ZFAND3: variants seen among roughly 807,000 people sequenced by gnomAD.
ZFAND3 encodes zinc finger AN1-type containing 3, also known as AN1-type zinc finger protein 3.
In ZFAND3, 10 loss-of-function variants were observed where a neutral mutation model predicts 29.6. The ratio of observed to expected loss-of-function variants is 0.34; its 90% CI spans 0.21 to 0.57. The LOEUF is 0.57. Among genes scored for constraint, ZFAND3 ranks in the 20% least tolerant of loss-of-function variants. The probability of loss-of-function intolerance (pLI) is 0.86; values close to 1 mark genes in which losing one functional copy is unlikely to be tolerated. For synonymous variants in ZFAND3, 128 were observed against 112.6 expected, an observed-to-expected ratio of 1.14 and a Z score of -0.87; for missense variants, 230 against 304.5, an observed-to-expected ratio of 0.76 and a Z score of 1.82.
chr6:38,004,882 G>A (rs915253385), intron 2 of ZFAND3, among the ~76,000 whole-genome samples: 12 of 152,138 alleles, frequency 7.9e-5, no homozygotes, highest in African/African-American at 2.2e-4. Context: ...AAAGAGAGTG[G>A]CAGTTCTTTT....
chr6:38,034,147 T>G (rs1341560873), intron 2 of ZFAND3, among the ~76,000 whole-genome samples: 1 of 152,198 alleles, frequency 6.6e-6, no homozygotes, highest in Non-Finnish European at 1.5e-5. Flanking sequence ...ACATTCAGTT[T>G]CATCTTTTGT....
intron 2 of ZFAND3, among the ~76,000 whole-genome samples, chr6:37,933,463 C>G (rs183509844): frequency 1.9e-4 from 29 of 152,268 alleles, no homozygotes; most frequent in African/African-American, 6.7e-4. Flanking sequence ...CAATAGCCAT[C>G]ATTACTTAAG....
intron 2 of ZFAND3, among the ~76,000 whole-genome samples, chr6:37,999,493 T>C (rs1328369874): frequency 6.6e-6 from 1 of 152,150 alleles, no homozygotes; most frequent in African/African-American, 2.4e-5. Flanking sequence ...CTCAGCCAGG[T>C]GATCAAGATT....
chr6:37,958,722 C>T (rs1762144580), intron 2 of ZFAND3, among the ~76,000 whole-genome samples: 1 of 152,022 alleles, frequency 6.6e-6, no homozygotes. Flanking sequence ...CCTTGCTTGG[C>T]TTTTCAGGAC....
At chr6:38,092,737 A>G (rs554124896) in intron 4 of ZFAND3, among the ~76,000 whole-genome samples, 2 of 152,330 alleles carry the variant, frequency 1.3e-5, no homozygotes, top group South Asian at 4.1e-4. Flanking sequence ...CGAGTGCTCA[A>G]CTTCACTAAA....
At chr6:37,847,201 A>T (rs1489042645) in intron 1 of ZFAND3, among the ~76,000 whole-genome samples, 1 of 152,136 alleles carries the variant, frequency 6.6e-6, no homozygotes. Flanking sequence ...GTTACTTTTT[A>T]TGTTTTTTAT....
chr6:38,018,534 A>G lies in ZFAND3; in HGVS notation c.113-43059A>G, dbSNP rs139613872. Reference sequence around the variant, plus strand: ...GCTCCTGATCCCCATCCACACATTTATACTCATTTTGTTTTTCATATTTAC... The same window carrying G: ...GCTCCTGATCCCCATCCACACATTTGTACTCATTTTGTTTTTCATATTTAC... On this transcript the variant is annotated intron_variant, in intron 2 of 5. Transcript: ENST00000287218. Among the ~76,000 whole-genome samples the G allele has an allele frequency of 2.3e-4, 35 of 152,160 alleles. No homozygotes were observed. In the East Asian group the frequency reaches 5.8e-3, roughly 25 times the overall value.
At chr6:38,127,247 T>C (rs976416917) in intron 5 of ZFAND3, among the ~76,000 whole-genome samples, 3 of 152,180 alleles carry the variant, frequency 2.0e-5, no homozygotes, top group African/African-American at 7.2e-5. Context: ...CAGGTTGTAG[T>C]TGATTAATAC....
At position 38,152,365 on chromosome 6, in the gene ZFAND3, G is replaced by A; in HGVS notation, c.660G>A (p.Gln220=). ...KLDRKVGRSC[Q]RIGEGCS is the part of the protein sequence containing the mutation. ...ACCGGAAAGTGGGGCGCTCCTGCCA[G>A]CGCATCGGGGAGGGGTGCTCCTGAA... The change falls in exon 6 of 6, where the codon CAG becomes CAA. Residue 220 remains glutamine (Q), a synonymous_variant. Transcript: ENST00000287218. The A allele has an allele frequency of 6.2e-7, 1 of 1,601,818 alleles. No homozygotes were observed. The highest frequency in any genetic ancestry group is 1.1e-5 in the South Asian group (1 of 88,878).
chr6:38,094,222 G>A (rs1450073345), intron 4 of ZFAND3, among the ~76,000 whole-genome samples: 2 of 152,022 alleles, frequency 1.3e-5, no homozygotes, highest in Admixed American at 1.3e-4. Flanking sequence ...GACTGAGGAG[G>A]GAAGATAGCA....
chr6:37,825,229 C>T (rs1423624616), intron 1 of ZFAND3, among the ~76,000 whole-genome samples: 1 of 152,178 alleles, frequency 6.6e-6, no homozygotes, highest in Non-Finnish European at 1.5e-5. Flanking sequence ...CTTTCAAGAT[C>T]ATGTGAACAC....
intron 2 of ZFAND3, among the ~76,000 whole-genome samples, chr6:37,995,542 A>G (rs1445247999): frequency 6.6e-6 from 1 of 152,158 alleles, no homozygotes; most frequent in Non-Finnish European, 1.5e-5. Context: ...TGTTGTTGGA[A>G]AATTTAATTT....
intron 1 of ZFAND3, among the ~76,000 whole-genome samples, chr6:37,893,164 C>G (rs1175878321): frequency 2.0e-5 from 3 of 152,168 alleles, no homozygotes; most frequent in Non-Finnish European, 4.4e-5. Flanking sequence ...TCCAATATCT[C>G]TTATGAATAT....
intron 1 of ZFAND3, among the ~76,000 whole-genome samples, chr6:37,825,600 G>A (rs79746460): frequency 6.6e-6 from 1 of 152,032 alleles, no homozygotes; most frequent in East Asian, 1.9e-4. Context: ...GGTCCAGTTA[G>A]CATATGGCTC....
chr6:38,091,733 A>C (rs1253567582), intron 4 of ZFAND3, among the ~76,000 whole-genome samples: 3 of 145,132 alleles, frequency 2.1e-5, no homozygotes, highest in African/African-American at 5.1e-5. Context: ...TGGCTCTACT[A>C]ATAGAACAGC....
Position 38,043,339 on chromosome 6 carries a change from A to T in ZFAND3, c.113-18254A>T, listed in dbSNP as rs545062771. On this transcript the variant is annotated intron_variant, in intron 2 of 5. Coordinates refer to ENST00000287218, the MANE Select transcript of ZFAND3 (RefSeq NM_021943.3). Reference sequence around the variant, plus strand: ...CATTGACCTTGATTTTAGGTTAAAAAAAAAAAGAACTCGTAGTAGATTTTT... The same window carrying T: ...CATTGACCTTGATTTTAGGTTAAAATAAAAAAGAACTCGTAGTAGATTTTT... Among the ~76,000 whole-genome samples the T allele has an allele frequency of 2.0e-5, 3 of 151,440 alleles. No homozygotes were observed. In the East Asian group the frequency reaches 5.8e-4, roughly 29 times the overall value.
At chr6:37,854,964 GTTTTTT>G (rs34283914) in intron 1 of ZFAND3, among the ~76,000 whole-genome samples, 3 of 78,982 alleles carry the variant, frequency 3.8e-5, no homozygotes, top group African/African-American at 8.9e-5. Flanking sequence ...AATAATAGGT[GTTTTTT>G]TTTTTTTTTT....
intron 2 of ZFAND3, among the ~76,000 whole-genome samples, chr6:37,955,583 G>A (rs1363468684): frequency 6.6e-6 from 1 of 152,228 alleles, no homozygotes; most frequent in Non-Finnish European, 1.5e-5. Flanking sequence ...TTGGCTGCAA[G>A]TGCCAAAGTA....
At chr6:38,071,942 G>A (rs181919061) in intron 3 of ZFAND3, among the ~76,000 whole-genome samples, 1 of 152,044 alleles carries the variant, frequency 6.6e-6, no homozygotes, top group African/African-American at 2.4e-5. Flanking sequence ...ATTAAAGAAG[G>A]GACTTCTCAT....
Sources: allele counts gnomAD v4.1 joint callset (sites outside exome capture counted in the v4.1 genomes callset), GRCh38; gene constraint gnomAD v4.1.1; transcripts MANE v1.5; gene names NCBI Gene and HGNC (gene_info 2026-07-23, HGNC 2026-07-21).